Variants in KCNMB2 observed in about 807,000 individuals in gnomAD.
KCNMB2 encodes calcium-activated potassium channel subunit beta-2.
In KCNMB2, 9 loss-of-function variants were observed where a neutral mutation model predicts 24.5. That is an observed-to-expected ratio of 0.37 (90% CI 0.22 to 0.64). The LOEUF (loss-of-function observed/expected upper bound fraction) is 0.64, where lower values mean the gene tolerates loss of function less well. Ranked by LOEUF, KCNMB2 falls within the 30% of genes least tolerant of loss-of-function variation. The pLI is 0.63. For synonymous variants in KCNMB2, 109 were observed against 104.4 expected, an observed-to-expected ratio of 1.04 and a Z score of -0.27; for missense variants, 226 against 284.3, an observed-to-expected ratio of 0.79 and a Z score of 1.47.
intron 2 of KCNMB2, among the ~76,000 whole-genome samples, chr3:178,822,466 T>C (rs1219021895): frequency 2.6e-5 from 4 of 152,244 alleles, no homozygotes; most frequent in African/African-American, 9.6e-5. Context: ...TACATGTCTG[T>C]TTTCCTTTGG....
chr3:178,767,027 T>C (rs1275115569), intron 1 of KCNMB2, among the ~76,000 whole-genome samples: 1 of 152,192 alleles, frequency 6.6e-6, no homozygotes, highest in African/African-American at 2.4e-5. Context: ...TTTCTGATAG[T>C]CATAATTGAT....
Position 178,842,772 on chromosome 3 carries a change from C to G in KCNMB2, c.543C>G (p.Asn181Lys). The G allele has an allele frequency of 6.2e-7, 1 of 1,613,874 alleles. No individual in the cohort carries two copies. Among genetic ancestry groups the G allele is most frequent in the Non-Finnish European group, 8.5e-7 (1 of 1,179,782 alleles). Residue 181 changes from asparagine to lysine, a missense_variant, in exon 5 of 5, where the codon AAC (asparagine) becomes AAG (lysine). Transcript: ENST00000452583. ...CCTGCTATTCTGACCCAGAAGGAAA[C>G]CAGAAGAGTGTTATCCTAACAAAAC... ...HFSCYSDPEGNQKSVILTKLY... is the reference protein window; with the variant it reads ...HFSCYSDPEGKQKSVILTKLY...
At chr3:178,736,144 T>A (rs1723309492) in intron 1 of KCNMB2, among the ~76,000 whole-genome samples, 2 of 152,206 alleles carry the variant, frequency 1.3e-5, no homozygotes, top group South Asian at 4.1e-4. Context: ...GGACGCTGAA[T>A]AAATGTCTTT....
intron 1 of KCNMB2, among the ~76,000 whole-genome samples, chr3:178,577,796 G>A (rs928482714): frequency 3.3e-5 from 5 of 152,198 alleles, no homozygotes; most frequent in African/African-American, 1.2e-4. Flanking sequence ...AGATCAACTT[G>A]ATGAAATAAA....
At chr3:178,663,911 A>G (rs1720623362) in intron 1 of KCNMB2, among the ~76,000 whole-genome samples, 1 of 152,142 alleles carries the variant, frequency 6.6e-6, no homozygotes, top group African/African-American at 2.4e-5. Flanking sequence ...AAGAAGACTA[A>G]TCTAGAGACT....
At chr3:178,653,232 T>A (rs190415037) in intron 1 of KCNMB2, among the ~76,000 whole-genome samples, 1 of 152,274 alleles carries the variant, frequency 6.6e-6, no homozygotes, top group Admixed American at 6.5e-5. Flanking sequence ...ATTCATAGCC[T>A]TTGGATAATA....
At chr3:178,834,764 C>T (rs1715164189) in intron 4 of KCNMB2, among the ~76,000 whole-genome samples, 1 of 152,000 alleles carries the variant, frequency 6.6e-6, no homozygotes, top group Non-Finnish European at 1.5e-5. Flanking sequence ...TGCCTGTAGA[C>T]CATAGATTCA....
chr3:178,568,810 GATA>G (rs1716637898), intron 1 of KCNMB2, among the ~76,000 whole-genome samples: 1 of 48,158 alleles, frequency 2.1e-5, no homozygotes, highest in Non-Finnish European at 4.3e-5. Flanking sequence ...TAGATAGATA[GATA>G]GATAATAGAT....
chr3:178,647,031 T>C (rs1719945384), intron 1 of KCNMB2, among the ~76,000 whole-genome samples: 1 of 152,194 alleles, frequency 6.6e-6, no homozygotes, highest in Admixed American at 6.5e-5. Flanking sequence ...AAAAGACAGC[T>C]ATGAAGTATG....
intron 1 of KCNMB2, among the ~76,000 whole-genome samples, chr3:178,635,594 TCTC>T (rs750132648): frequency 3.9e-4 from 59 of 152,282 alleles, no homozygotes; most frequent in Non-Finnish European, 8.2e-4. Flanking sequence ...CTTGCCACAT[TCTC>T]CTCACCAGTC....
intron 1 of KCNMB2, among the ~76,000 whole-genome samples, chr3:178,751,063 CTAAA>C (rs928475121): frequency 5.9e-5 from 9 of 151,848 alleles, no homozygotes; most frequent in East Asian, 1.9e-4. Context: ...ACTCACATAA[CTAAA>C]TAGTTTGCAT....
chr3:178,584,223 C>A (rs963253053), intron 1 of KCNMB2, among the ~76,000 whole-genome samples: 2 of 152,230 alleles, frequency 1.3e-5, no homozygotes, highest in East Asian at 3.8e-4. Flanking sequence ...GCCTCCAAAG[C>A]AGCTTGCTGC....
intron 1 of KCNMB2, among the ~76,000 whole-genome samples, chr3:178,760,064 A>C (rs1230966865): frequency 2.2e-5 from 1 of 46,198 alleles, no homozygotes; most frequent in African/African-American, 1.2e-4. Flanking sequence ...ATATATCTAT[A>C]TATATATATA....
At chr3:178,714,590 G>C (rs1234616282) in intron 1 of KCNMB2, among the ~76,000 whole-genome samples, 1 of 152,210 alleles carries the variant, frequency 6.6e-6, no homozygotes, top group Admixed American at 6.5e-5. Context: ...GAATGACAAG[G>C]AACAGTGCGC....
chr3:178,811,846 G>A (rs1222113376), intron 2 of KCNMB2, among the ~76,000 whole-genome samples: 3 of 152,082 alleles, frequency 2.0e-5, no homozygotes, highest in East Asian at 1.9e-4. Flanking sequence ...TAGAGTTTTC[G>A]GATTTCTAAT....
chr3:178,726,930 A>T (rs1029331470), intron 1 of KCNMB2, among the ~76,000 whole-genome samples: 2 of 151,852 alleles, frequency 1.3e-5, no homozygotes, highest in Non-Finnish European at 2.9e-5. Context: ...TCTTTCATTG[A>T]TTTTTCCATT....
At chr3:178,699,638 T>C (rs1722014176) in intron 1 of KCNMB2, among the ~76,000 whole-genome samples, 1 of 152,280 alleles carries the variant, frequency 6.6e-6, no homozygotes, top group South Asian at 2.1e-4. Context: ...CAAGGGGTGC[T>C]CAGGTCAGTC....
intron 1 of KCNMB2, among the ~76,000 whole-genome samples, chr3:178,723,853 T>C (rs1324486087): frequency 6.6e-6 from 1 of 152,216 alleles, no homozygotes; most frequent in Non-Finnish European, 1.5e-5. Flanking sequence ...TATTCCATGG[T>C]GTATGTATAC....
chr3:178,566,395 G>A (rs1319212461), intron 1 of KCNMB2, among the ~76,000 whole-genome samples: 3 of 152,010 alleles, frequency 2.0e-5, no homozygotes, highest in Admixed American at 2.0e-4. Context: ...GGCAGTATCT[G>A]GCCGTGTCAC....
Sources: allele counts gnomAD v4.1 joint callset (sites outside exome capture counted in the v4.1 genomes callset), GRCh38; gene constraint gnomAD v4.1.1; transcripts MANE v1.5; gene names NCBI Gene and HGNC (gene_info 2026-07-23, HGNC 2026-07-21).